URI1: variants seen among roughly 807,000 people sequenced by gnomAD.
URI1 encodes the protein URI1 prefoldin like chaperone, also known as unconventional prefoldin RPB5 interactor 1.
A neutral mutation model predicts 60.2 loss-of-function variants in URI1; 39 were observed. The observed-to-expected ratio is 0.65, with a 90% CI of 0.50 to 0.85. The LOEUF is 0.85. Among genes scored for constraint, URI1 ranks in the 40% least tolerant of loss-of-function variants. URI1 has a pLI of 0.00. For missense variants in URI1, 691 were observed against 665.9 expected (o/e 1.04, Z -0.42); for synonymous variants, 251 against 236.8 (o/e 1.06, Z -0.55).
intron 9 of URI1, among the ~76,000 whole-genome samples, chr19:30,011,673 G>A (rs2056022219): frequency 6.9e-6 from 1 of 145,706 alleles, no homozygotes; most frequent in African/African-American, 2.6e-5. Flanking sequence ...ACTATCACTT[G>A]AAAATACCTA....
intron 4 of URI1, among the ~76,000 whole-genome samples, chr19:29,994,563 T>C (rs1297272373): frequency 6.6e-6 from 1 of 152,176 alleles, no homozygotes; most frequent in East Asian, 1.9e-4. Flanking sequence ...AGCATAATGT[T>C]TTCTAGGTTC....
chr19:29,973,667 G>C (rs760329573), intron 2 of URI1, among the ~76,000 whole-genome samples: 1 of 151,568 alleles, frequency 6.6e-6, no homozygotes, highest in Non-Finnish European at 1.5e-5. Context: ...AGAAAAATAG[G>C]AGTGAAAATG....
chr19:30,009,963 G>T (rs542287191), intron 8 of URI1, among the ~76,000 whole-genome samples: 46 of 152,206 alleles, frequency 3.0e-4, no homozygotes, highest in African/African-American at 9.9e-4. Flanking sequence ...CATACTTACT[G>T]TAGAATCCCA....
rs188164609 is a variant in URI1, at chr19:30,008,318, T to C, written c.686+680T>C. On this transcript the variant is annotated intron_variant, in intron 7 of 10. Coordinates refer to ENST00000392271, the MANE Select transcript of URI1 (RefSeq NM_003796.3). ...AAATAGGGCAGGAAGCATAAAAGTT[T>C]CTTTTTCCTAGTGTTTCACCTATAA... is the stretch of plus-strand genomic sequence containing the variant. 2.8e-4 allele frequency among the ~76,000 whole-genome samples: 42 copies of C among 152,276 alleles called. 1 individual carries two copies. In the East Asian group the frequency reaches 7.9e-3, roughly 29 times the overall value.
intron 10 of URI1, 193 bp downstream of exon 10, chr19:30,012,724 A>T (rs923485494): frequency 1.5e-6 from 1 of 648,920 alleles, no homozygotes; most frequent in East Asian, 3.4e-5. Flanking sequence ...TGATAAACAC[A>T]TTACTTGTCT....
intron 2 of URI1, among the ~76,000 whole-genome samples, chr19:29,971,607 A>G (rs1007351865): frequency 6.6e-6 from 1 of 151,814 alleles, no homozygotes; most frequent in African/African-American, 2.4e-5. Context: ...ATAATGATGG[A>G]AATAGGGCAC....
chr19:29,985,404 A>C, intron 3 of URI1, 103 bp downstream of exon 3: 2 of 882,844 alleles, frequency 2.3e-6, no homozygotes, highest in African/African-American at 3.4e-5. Context: ...TGTCCAAGGT[A>C]ACTATGTAGC....
In URI1 at chr19:29,927,557, C is replaced by T. The variant is rs1410519919; in HGVS notation, c.63+3803C>T. ...GATTACAAGCATGAGCCACTGCACC[C>T]GGCTTTTTTTTTTTTTTTTTTTTTT... On this transcript the variant is annotated intron_variant, in intron 1 of 10. Coordinates refer to the URI1 transcript ENST00000360605. Among the ~76,000 whole-genome samples the T allele has an allele frequency of 7.2e-5, 8 of 110,792 alleles. No homozygotes were observed. The East Asian group carries it at 1.1e-3, about 15-fold the overall frequency. The allele number at this position is 110,792 out of a possible 152,430, so 72.7% of individuals were successfully genotyped here. A position where few individuals can be genotyped will look rare whatever the true frequency, so the allele number is the denominator to read the frequency against.
intron 4 of URI1, among the ~76,000 whole-genome samples, chr19:29,997,173 C>G (rs900475387): frequency 6.6e-6 from 1 of 152,072 alleles, no homozygotes; most frequent in African/African-American, 2.4e-5. Context: ...TGGTAGAATT[C>G]ATCTGTGAAA....
chr19:29,949,621 T>C (rs1288280028), intron 1 of URI1, among the ~76,000 whole-genome samples: 1 of 152,078 alleles, frequency 6.6e-6, no homozygotes, highest in Non-Finnish European at 1.5e-5. Flanking sequence ...CTGGGCAACA[T>C]TGAGCACTGA....
rs142117933 is a variant in URI1, at chr19:29,948,694, G to T, written c.117+6030G>T. Among the ~76,000 whole-genome samples, 829 of 152,272 alleles carry T rather than the reference G, an allele frequency of 5.4e-3. 11 individuals carry two copies. Among genetic ancestry groups the T allele is most frequent in the African/African-American group, 0.019 (792 of 41,560 alleles). On this transcript the variant is annotated intron_variant, in intron 1 of 10. Coordinates refer to ENST00000392271, the MANE Select transcript of URI1 (RefSeq NM_003796.3). ...AGATTAACAGCATCCCAAGGCAGAA[G>T]AATTTTTCTTAGTACAGAACAAAAT... is the stretch of plus-strand genomic sequence containing the variant.
chr19:29,944,181 ATATATATATAT>A (rs2145228955), intron 1 of URI1, among the ~76,000 whole-genome samples: 1 of 90,842 alleles, frequency 1.1e-5, no homozygotes, highest in African/African-American at 5.5e-5. Flanking sequence ...ATATATATAT[ATATATATATAT>A]AAAACTTAAC....
chr19:30,006,836 C>CT (rs2055949206), intron 6 of URI1, among the ~76,000 whole-genome samples: 1 of 152,070 alleles, frequency 6.6e-6, no homozygotes, highest in South Asian at 2.1e-4. Flanking sequence ...GCAGATACCT[C>CT]TGAGTTCAGA....
At chr19:29,938,303 G>A (rs575634564), upstream of URI1, among the ~76,000 whole-genome samples, 9 of 152,244 alleles carry the variant, frequency 5.9e-5, no homozygotes, top group East Asian at 1.4e-3. Context: ...GGAGCTGCAC[G>A]TCACATGGCA....
At chr19:29,971,689 C>CTT (rs533979534) in intron 2 of URI1, among the ~76,000 whole-genome samples, 1,748 of 138,538 alleles carry the variant, frequency 0.013, 43 homozygotes, top group African/African-American at 0.045. Flanking sequence ...ATTGACTGTA[C>CTT]TTTTTTTTTT....
chr19:30,013,576 C>T (rs2056049524), intron 10 of URI1, among the ~76,000 whole-genome samples: 1 of 152,160 alleles, frequency 6.6e-6, no homozygotes, highest in Non-Finnish European at 1.5e-5. Flanking sequence ...TATCATGGTA[C>T]AGCTAGAGTG....
chr19:29,969,014 C>A (rs924664257), intron 1 of URI1, among the ~76,000 whole-genome samples: 1 of 152,010 alleles, frequency 6.6e-6, no homozygotes. Flanking sequence ...ACAAAGATAA[C>A]CTAGACATGC....
At chr19:29,978,557 A>G (rs1302194303) in intron 2 of URI1, among the ~76,000 whole-genome samples, 1 of 152,046 alleles carries the variant, frequency 6.6e-6, no homozygotes, top group Non-Finnish European at 1.5e-5. Context: ...CTGTTTGAGG[A>G]TGAAGATGTG....
chr19:29,954,088 T>G (rs2055212929), intron 1 of URI1, among the ~76,000 whole-genome samples: 1 of 152,226 alleles, frequency 6.6e-6, no homozygotes, highest in Non-Finnish European at 1.5e-5. Context: ...GAAACTCCCC[T>G]TCTTTCATAG....
Sources: gnomAD v4.1 joint callset for allele counts (sites outside exome capture counted in the v4.1 genomes callset) on GRCh38, gnomAD v4.1.1 for gene constraint, MANE v1.5 for transcripts, NCBI Gene and HGNC (gene_info 2026-07-23, HGNC 2026-07-21) for gene names.